Variants in ROS1 observed in about 807,000 individuals in gnomAD.
ROS1 encodes the protein proto-oncogene tyrosine-protein kinase ROS.
ROS1 carries 263 observed loss-of-function variants against 273.5 expected under a neutral mutation model. The observed-to-expected ratio is 0.96, with a 90% CI of 0.87 to 1.06. The LOEUF is 1.06. ROS1 is among the 50% of genes least tolerant of loss of function. The pLI is 0.00. For missense variants in ROS1, 2,833 were observed against 2,751.1 expected, an observed-to-expected ratio of 1.03 and a Z score of -0.67; for synonymous variants, 1,008 against 954.1, an observed-to-expected ratio of 1.06 and a Z score of -1.04.
intron 5 of ROS1, among the ~76,000 whole-genome samples, chr6:117,405,838 A>C (rs1774354668): frequency 6.6e-6 from 1 of 152,192 alleles, no homozygotes; most frequent in Non-Finnish European, 1.5e-5. Flanking sequence ...ATCCCTTACC[A>C]GCTATGTGGC....
At chr6:117,323,440 T>C (rs1269931457) in intron 35 of ROS1, among the ~76,000 whole-genome samples, 4 of 152,150 alleles carry the variant, frequency 2.6e-5, no homozygotes, top group African/African-American at 9.7e-5. Flanking sequence ...GCCACAACTT[T>C]CTTAATATGT....
intron 18 of ROS1, among the ~76,000 whole-genome samples, chr6:117,375,910 A>G (rs1582784038): frequency 6.6e-6 from 1 of 152,152 alleles, no homozygotes; most frequent in Admixed American, 6.5e-5. Flanking sequence ...ACTAATATAG[A>G]CCTTGAAAGA....
intron 5 of ROS1, among the ~76,000 whole-genome samples, chr6:117,408,408 C>A (rs373629526): frequency 6.6e-6 from 1 of 152,074 alleles, no homozygotes; most frequent in Non-Finnish European, 1.5e-5. Context: ...GCGAAGGATA[C>A]GAACAGGCAC....
chr6:117,374,579 GACAAAGAA>G (rs1292427306), intron 18 of ROS1, among the ~76,000 whole-genome samples: 1 of 152,170 alleles, frequency 6.6e-6, no homozygotes, highest in Non-Finnish European at 1.5e-5. Flanking sequence ...AAGACTTCAT[GACAAAGAA>G]CCCAAAATCA....
At chr6:117,370,357 G>C (rs1780668616) in intron 18 of ROS1, among the ~76,000 whole-genome samples, 1 of 151,938 alleles carries the variant, frequency 6.6e-6, no homozygotes, top group African/African-American at 2.4e-5. Flanking sequence ...ATGATATTTT[G>C]CTTTACTTTA....
chr6:117,337,332 G>T lies in ROS1; in HGVS notation c.5070C>A (p.Tyr1690Ter), dbSNP rs762836563. 4.4e-6 allele frequency: 7 copies of T among 1,588,198 alleles called. No homozygotes were observed. The highest frequency in any genetic ancestry group is 6.0e-6 in the Non-Finnish European group (7 of 1,171,678). Residue 1690 changes from tyrosine (Y) to a stop codon, truncating the protein, a stop_gained, in exon 32 of 44, where the codon TAC becomes TAA. Coordinates refer to ENST00000368507, the MANE Select transcript of ROS1 (RefSeq NM_001378902.1). LOFTEE classifies it high-confidence loss of function. Reference protein sequence around the residue: ...RFWVELQKWKYNEFYHVKTSC... With the variant: ...RFWVELQKWK ...AAGTTTTAACATGGTAAAACTCATT[G>T]TATTTCCACTAGAAAAAGAAGTCTC...
intron 18 of ROS1, among the ~76,000 whole-genome samples, chr6:117,370,588 C>T (rs931230085): frequency 6.6e-6 from 1 of 151,862 alleles, no homozygotes; most frequent in Non-Finnish European, 1.5e-5. Flanking sequence ...GATATTTAAA[C>T]AAGTAGAAGT....
At chr6:117,310,902 A>G (rs1775493808) in intron 40 of ROS1, 118 bp downstream of exon 40, 1 of 591,148 alleles carries the variant, frequency 1.7e-6, no homozygotes, top group African/African-American at 1.9e-5. Context: ...CTTTTAATAG[A>G]AATTATTGCT....
At chr6:117,291,577 G>A (rs886743463) in intron 43 of ROS1, among the ~76,000 whole-genome samples, 2 of 152,120 alleles carry the variant, frequency 1.3e-5, no homozygotes, top group African/African-American at 2.4e-5. Context: ...ACAAACTCTA[G>A]CCCTATTTCA....
At position 117,389,482 on chromosome 6, in the gene ROS1, C is replaced by T. The variant is rs763765128; in HGVS notation, c.1654G>A (p.Gly552Ser). Residue 552 changes from glycine to serine, a missense_variant, in exon 13 of 44, where the codon GGT becomes AGT. Gly to Ser is a moderately conservative substitution (Grantham distance 56). Coordinates refer to ENST00000368507, the MANE Select transcript of ROS1 (RefSeq NM_001378902.1). ...DLSHIEEFGFGNLVIFGSSSQ... is the reference protein window; with the variant it reads ...DLSHIEEFGFSNLVIFGSSSQ... ...GATGAGCCAAAGATGACCAAGTTAC[C>T]AAACCCAAATTCTTCTATGTGACTC... 6.2e-6 allele frequency: 10 copies of T among 1,614,052 alleles called. No individual in the cohort carries two copies. The African/African-American group carries it at 1.3e-4, about 22-fold the overall frequency.
chr6:117,306,859 A>G (rs1446679292), intron 42 of ROS1, among the ~76,000 whole-genome samples: 2 of 152,164 alleles, frequency 1.3e-5, no homozygotes, highest in African/African-American at 2.4e-5. Flanking sequence ...CCTGGTTGGC[A>G]ACGGATCTTT....
intron 2 of ROS1, 88 bp from the exon 3 acceptor site, chr6:117,416,405 G>A (rs1422610943): frequency 4.8e-6 from 4 of 841,500 alleles, no homozygotes; most frequent in African/African-American, 1.7e-5. Context: ...GTAACAAAAG[G>A]CATCACTCTG....
rs774633498 is a variant in ROS1 at position 117,359,958 on chromosome 6, A to G, written c.3484T>C (p.Leu1162=). 1 of 1,613,960 alleles carries G rather than the reference A, an allele frequency of 6.2e-7. No homozygotes were observed. Among genetic ancestry groups the G allele is most frequent in the Non-Finnish European group, 8.5e-7 (1 of 1,179,906 alleles). Reference sequence around the variant, plus strand: ...ACAACTTGATTTTGATCCATATCTAAAAAAACTATCTTGTTACCAAGAAGA... The same window carrying G: ...ACAACTTGATTTTGATCCATATCTAGAAAAACTATCTTGTTACCAAGAAGA... ...ITLLGNKIVF[L]DMDQNQVVWT... Residue 1162 remains leucine (L), a synonymous_variant, in exon 24 of 44, where the codon TTA becomes CTA. Transcript: ENST00000368507.
chr6:117,360,233 A>G, intron 23 of ROS1, 109 bp downstream of exon 23: 1 of 901,254 alleles, frequency 1.1e-6, no homozygotes, highest in East Asian at 2.6e-5. Flanking sequence ...CCTAAACTTT[A>G]GCAAAGAGAC....
At chr6:117,369,866 TA>T (rs1780613534) in intron 18 of ROS1, among the ~76,000 whole-genome samples, 1 of 152,210 alleles carries the variant, frequency 6.6e-6, no homozygotes. Context: ...TGTGTGTATA[TA>T]TATGGATATA....
intron 27 of ROS1, among the ~76,000 whole-genome samples, chr6:117,346,570 CTT>C (rs1420973253): frequency 6.8e-6 from 1 of 146,812 alleles, no homozygotes; most frequent in Non-Finnish European, 1.5e-5. Flanking sequence ...GCATGGACGT[CTT>C]TTTTTTTTGG....
intron 33 of ROS1, chr6:117,328,960 C>T (rs1176155393): frequency 1.8e-6 from 1 of 570,614 alleles, no homozygotes. Context: ...GAGTATTCAC[C>T]TTGCTAAAGC....
At chr6:117,347,639 A>C (rs1322855196) in intron 27 of ROS1, among the ~76,000 whole-genome samples, 1 of 152,030 alleles carries the variant, frequency 6.6e-6, no homozygotes, top group Non-Finnish European at 1.5e-5. Flanking sequence ...GAACATCCTT[A>C]CCTTGTTTCT....
In ROS1 at chr6:117,345,267, C is replaced by T. The variant is rs114541979; in HGVS notation, c.4304-1005G>A. On this transcript the variant is annotated intron_variant, in intron 27 of 43. Coordinates refer to ENST00000368507, the MANE Select transcript of ROS1 (RefSeq NM_001378902.1). ...CTCTTCAGGTTGGAATGATCTTCCC[C>T]ATCTGCCTAACCTTACTTAAGCCTC... Among the ~76,000 whole-genome samples, 590 of 152,318 alleles carry T rather than the reference C, an allele frequency of 3.9e-3. 1 individual carries two copies. The highest frequency in any genetic ancestry group is 0.013 in the African/African-American group (547 of 41,568).
Sources: gnomAD v4.1 joint callset for allele counts (sites outside exome capture counted in the v4.1 genomes callset) on GRCh38, gnomAD v4.1.1 for gene constraint, MANE v1.5 for transcripts, NCBI Gene and HGNC (gene_info 2026-07-23, HGNC 2026-07-21) for gene names.